PLCB1: variants seen among roughly 807,000 people sequenced by gnomAD.
PLCB1 encodes the protein phospholipase C beta 1.
A neutral mutation model predicts 161.8 loss-of-function variants in PLCB1; 46 were observed. The ratio of observed to expected loss-of-function variants is 0.28; its 90% confidence interval spans 0.22 to 0.36. The LOEUF (loss-of-function observed/expected upper bound fraction) is 0.36. Ranked by LOEUF, PLCB1 falls within the 10% of genes least tolerant of loss-of-function variation. The pLI, the probability that PLCB1 is intolerant of heterozygous loss-of-function variation, is 1.00. For synonymous variants in PLCB1, 517 were observed against 503.7 expected, an observed-to-expected ratio of 1.03 and a Z score of -0.35; for missense variants, 1,016 against 1,472.5, an observed-to-expected ratio of 0.69 and a Z score of 5.07.
At position 8,280,116 on chromosome 20, in the gene PLCB1, A is replaced by C. The variant is rs563712498; in HGVS notation, c.178-91266A>C. Among the ~76,000 whole-genome samples the C allele has an allele frequency of 4.6e-5, 7 of 152,192 alleles. 1 individual carries two copies. Among genetic ancestry groups the C allele is most frequent in the African/African-American group, 1.7e-4 (7 of 41,530 alleles). ...TTTCAGAGGCTGAGGCGGGCGGATC[A>C]CCTGAGGTCAGGAGTTCGAGACCAG... On this transcript the variant is annotated intron_variant, in intron 2 of 31. Coordinates refer to ENST00000338037, the MANE Select transcript of PLCB1 (RefSeq NM_015192.4).
At chr20:8,344,763 A>G (rs1985937793) in intron 2 of PLCB1, among the ~76,000 whole-genome samples, 1 of 152,228 alleles carries the variant, frequency 6.6e-6, no homozygotes, top group Admixed American at 6.5e-5. Context: ...CACAAAGGCA[A>G]TTGACTTGAA....
intron 2 of PLCB1, 112 bp downstream of exon 2, chr20:8,150,483 A>T: frequency 4.0e-6 from 2 of 500,410 alleles, no homozygotes; most frequent in Non-Finnish European, 7.2e-6. Flanking sequence ...TTTGCAGTTT[A>T]TTTAAAGGTT....
chr20:8,369,139 G>A (rs1390164099), intron 2 of PLCB1, among the ~76,000 whole-genome samples: 1 of 152,044 alleles, frequency 6.6e-6, no homozygotes, highest in African/African-American at 2.4e-5. Context: ...TTTTCACTTG[G>A]ATAAACCCCT....
chr20:8,612,242 G>C (rs1987926084), intron 3 of PLCB1, among the ~76,000 whole-genome samples: 1 of 152,132 alleles, frequency 6.6e-6, no homozygotes, highest in East Asian at 1.9e-4. Flanking sequence ...AAATGAAAAA[G>C]TATGTTTATG....
chr20:8,378,962 C>T (rs1041811040), intron 3 of PLCB1, among the ~76,000 whole-genome samples: 76 of 152,054 alleles, frequency 5.0e-4, no homozygotes, highest in African/African-American at 1.8e-3. Context: ...ATTTTTACTT[C>T]TTATTTTGTT....
intron 3 of PLCB1, among the ~76,000 whole-genome samples, chr20:8,510,643 G>A (rs1001319003): frequency 2.6e-5 from 4 of 151,878 alleles, no homozygotes; most frequent in African/African-American, 4.8e-5. Flanking sequence ...CGCCCGCCTC[G>A]GCCTCCCAAA....
chr20:8,813,141 G>A (rs1984913216), intron 31 of PLCB1, among the ~76,000 whole-genome samples: 1 of 152,152 alleles, frequency 6.6e-6, no homozygotes, highest in African/African-American at 2.4e-5. Flanking sequence ...GTAATGAGGT[G>A]AATAACAAAC....
chr20:8,495,851 A>G (rs1466085904), intron 3 of PLCB1, among the ~76,000 whole-genome samples: 1 of 152,106 alleles, frequency 6.6e-6, no homozygotes, highest in Non-Finnish European at 1.5e-5. Flanking sequence ...CCAGCTCAGC[A>G]AAATTGCCAT....
intron 1 of PLCB1, among the ~76,000 whole-genome samples, chr20:8,136,026 C>G (rs143767365): frequency 1.3e-5 from 2 of 152,106 alleles, no homozygotes; most frequent in African/African-American, 4.8e-5. Context: ...TACAATAGGA[C>G]CCCCAGCCAC....
intron 31 of PLCB1, among the ~76,000 whole-genome samples, chr20:8,843,889 T>C (rs898048835): frequency 2.6e-5 from 4 of 152,168 alleles, no homozygotes; most frequent in Non-Finnish European, 5.9e-5. Flanking sequence ...TCACACAGAT[T>C]TGAAGATTAA....
intron 2 of PLCB1, among the ~76,000 whole-genome samples, chr20:8,276,806 T>C (rs1241495681): frequency 6.6e-6 from 1 of 151,990 alleles, no homozygotes; most frequent in Non-Finnish European, 1.5e-5. Context: ...AAAGGATTCA[T>C]ATATACAACA....
At chr20:8,449,929 G>C (rs1032997996) in intron 3 of PLCB1, among the ~76,000 whole-genome samples, 1 of 152,176 alleles carries the variant, frequency 6.6e-6, no homozygotes, top group Non-Finnish European at 1.5e-5. Flanking sequence ...CCATGGGGTT[G>C]ATGGTCATAA....
intron 2 of PLCB1, among the ~76,000 whole-genome samples, chr20:8,158,765 C>T (rs985452500): frequency 1.3e-5 from 2 of 152,210 alleles, no homozygotes; most frequent in Non-Finnish European, 2.9e-5. Flanking sequence ...CTACAGGCCT[C>T]ATGCAAGTCC....
intron 3 of PLCB1, among the ~76,000 whole-genome samples, chr20:8,613,460 A>G (rs1249030102): frequency 6.6e-6 from 1 of 152,186 alleles, no homozygotes; most frequent in Non-Finnish European, 1.5e-5. Context: ...TGAACTTACA[A>G]GGTACAAAAT....
chr20:8,191,727 A>G (rs920901129), intron 2 of PLCB1, among the ~76,000 whole-genome samples: 3 of 152,172 alleles, frequency 2.0e-5, no homozygotes, highest in African/African-American at 7.2e-5. Context: ...TAAGTCATGT[A>G]TTAAGCTAAA....
At chr20:8,340,795 C>T (rs1008768304) in intron 2 of PLCB1, among the ~76,000 whole-genome samples, 4 of 152,210 alleles carry the variant, frequency 2.6e-5, no homozygotes, top group Admixed American at 2.0e-4. Context: ...AATACCTAAA[C>T]ACTATCATTC....
At chr20:8,484,870 G>T (rs1982655746) in intron 3 of PLCB1, among the ~76,000 whole-genome samples, 2 of 152,146 alleles carry the variant, frequency 1.3e-5, no homozygotes, top group African/African-American at 2.4e-5. Flanking sequence ...AGGAGAGTTT[G>T]CTCACTGCTA....
intron 4 of PLCB1, among the ~76,000 whole-genome samples, chr20:8,643,400 C>A (rs1989016214): frequency 6.6e-6 from 1 of 152,162 alleles, no homozygotes; most frequent in South Asian, 2.1e-4. Context: ...TTTGTTTGCT[C>A]TAACTCCTGC....
chr20:8,663,494 A>G (rs1989737833), intron 9 of PLCB1, among the ~76,000 whole-genome samples: 1 of 152,150 alleles, frequency 6.6e-6, no homozygotes, highest in Non-Finnish European at 1.5e-5. Flanking sequence ...ATGAAACTCC[A>G]GAAGAGACAA....
Sources: allele counts gnomAD v4.1 joint callset (sites outside exome capture counted in the v4.1 genomes callset), GRCh38; gene constraint gnomAD v4.1.1; transcripts MANE v1.5; gene names NCBI Gene and HGNC (gene_info 2026-07-23, HGNC 2026-07-21).